The following SLC22A2 variants were observed in gnomAD, a reference collection of about 807,000 sequenced individuals.
SLC22A2 encodes solute carrier family 22 member 2.
Under a neutral mutation model 60.5 loss-of-function variants are expected in SLC22A2, and 46 were observed. The ratio of observed to expected loss-of-function variants is 0.76; its 90% confidence interval spans 0.60 to 0.97. The LOEUF is 0.97. Among genes scored for constraint, SLC22A2 ranks in the 50% least tolerant of loss-of-function variants. The pLI, the probability that SLC22A2 is intolerant of heterozygous loss-of-function variation, is 0.00. For missense variants in SLC22A2, 701 were observed against 706.6 expected, an observed-to-expected ratio of 0.99 and a Z score of 0.09; for synonymous variants, 303 against 267.0, an observed-to-expected ratio of 1.13 and a Z score of -1.31.
At position 160,250,560 on chromosome 6, in the gene SLC22A2, C is replaced by G; in HGVS notation, c.661G>C (p.Gly221Arg). 6.2e-7 allele frequency: 1 copy of G among 1,614,076 alleles called. No individual in the cohort carries two copies. Among genetic ancestry groups the G allele is most frequent in the African/African-American group, 1.3e-5 (1 of 75,028 alleles). The change falls in exon 3 of 11, where the codon GGC (glycine) becomes CGC (arginine). Residue 221 changes from glycine (G) to arginine (R), a missense_variant. Gly to Arg is a moderately radical substitution (Grantham distance 125, BLOSUM62 -2). Coordinates refer to ENST00000366953, the MANE Select transcript of SLC22A2 (RefSeq NM_003058.4). ...GLVSKAGWLI[G>R]YILITEFVGR... ...CAAACATTCTTACTCAGGATGTAGC[C>G]TATTAACCAGCCTGCTTTGCTGACC...
rs73782099 is a variant in SLC22A2 at position 160,255,511 on chromosome 6, G to A, written c.518+1103C>T. Among the ~76,000 whole-genome samples the A allele has an allele frequency of 5.1e-3, 779 of 152,184 alleles. 8 individuals are homozygous for A. The highest frequency in any genetic ancestry group is 0.018 in the African/African-American group (735 of 41,506). On this transcript the variant is annotated intron_variant, in intron 2 of 10. Coordinates refer to ENST00000366953, the MANE Select transcript of SLC22A2 (RefSeq NM_003058.4). ...TGGGGATGGCATGGGAGGGCAACAA[G>A]CATAAAATGCATTGACTTTACCATG...
intron 9 of SLC22A2, among the ~76,000 whole-genome samples, chr6:160,225,444 G>A (rs909568870): frequency 6.6e-6 from 1 of 152,060 alleles, no homozygotes; most frequent in Non-Finnish European, 1.5e-5. Context: ...TAGGATGTGG[G>A]TTCTTTACTA....
rs1783323162 is a variant in SLC22A2 at position 160,258,717 on chromosome 6, T to G, written c.41A>C (p.Glu14Ala). The change falls in exon 1 of 11, where the codon GAG (glutamate) becomes GCG (alanine). Residue 14 changes from glutamate to alanine, a missense_variant. Physicochemically the swap from Glu to Ala is moderately radical, Grantham distance 107. Coordinates refer to ENST00000366953, the MANE Select transcript of SLC22A2 (RefSeq NM_003058.4). ...TVDDVLEHGG[E>A]FHFFQKQMFF... ...CATTTGCTTCTGGAAAAAGTGAAAC[T>G]CCCCTCCATGCTCCAGGACATCGTC... 1.3e-6 allele frequency: 2 copies of G among 1,589,824 alleles called. No individual in the cohort carries two copies. The highest frequency in any genetic ancestry group is 3.4e-5 in the Admixed American group (2 of 58,514).
In SLC22A2 at chr6:160,258,586, C is replaced by G. The variant is rs138397321; in HGVS notation, c.172G>C (p.Glu58Gln). The change falls in exon 1 of 11, where the codon GAG becomes CAG. Residue 58 changes from glutamate to glutamine, a missense_variant. Coordinates refer to ENST00000366953, the MANE Select transcript of SLC22A2 (RefSeq NM_003058.4). ...DHRCRSPGVA[E>Q]LSLRCGWSPA... ...CTCCAGCCGCAGCGCAGACTCAGCT[C>G]GGCCACTCCGGGGCTCCGGCAGCGG... 2 of 1,613,844 alleles carry G rather than the reference C, an allele frequency of 1.2e-6. No individual in the cohort carries two copies. The highest frequency in any genetic ancestry group is 4.5e-5 in the East Asian group (2 of 44,882).
chr6:160,232,343 G>A (rs796168338), intron 9 of SLC22A2, among the ~76,000 whole-genome samples: 12 of 152,000 alleles, frequency 7.9e-5, no homozygotes, highest in African/African-American at 2.7e-4. Context: ...CACCAGCAAA[G>A]GCAGGCTATG....
At chr6:160,249,433 TG>T in intron 3 of SLC22A2, 49 bp from the exon 4 acceptor site, 1 of 1,480,388 alleles carries the variant, frequency 6.8e-7, no homozygotes, top group African/African-American at 1.4e-5. Context: ...AATAATGAGT[TG>T]GCTGTCCAGC....
intron 9 of SLC22A2, among the ~76,000 whole-genome samples, chr6:160,237,050 A>G (rs1011977062): frequency 6.6e-6 from 1 of 152,196 alleles, no homozygotes; most frequent in African/African-American, 2.4e-5. Context: ...GGAGAGAGAA[A>G]AATTATGTTT....
intron 8 of SLC22A2, 74 bp from the exon 9 acceptor site, chr6:160,241,660 A>T: frequency 1.1e-6 from 1 of 897,044 alleles, no homozygotes; most frequent in Non-Finnish European, 1.8e-6. Context: ...ACCCCTGAAT[A>T]AACACTTCCT....
intron 1 of SLC22A2, among the ~76,000 whole-genome samples, chr6:160,257,517 T>A (rs1391698870): frequency 6.6e-6 from 1 of 152,110 alleles, no homozygotes; most frequent in Non-Finnish European, 1.5e-5. Flanking sequence ...TGAGAGAGCC[T>A]CGGAGAGTTT....
chr6:160,251,414 T>G (rs1161644560), intron 2 of SLC22A2, among the ~76,000 whole-genome samples: 1 of 152,180 alleles, frequency 6.6e-6, no homozygotes, highest in Non-Finnish European at 1.5e-5. Context: ...TCAACCATAT[T>G]CAGTGTCTTC....
intron 9 of SLC22A2, among the ~76,000 whole-genome samples, chr6:160,232,178 C>T (rs978492546): frequency 5.3e-5 from 8 of 151,862 alleles, no homozygotes; most frequent in Non-Finnish European, 7.4e-5. Context: ...ATCTGGCCTC[C>T]CACATTATTC....
intron 9 of SLC22A2, among the ~76,000 whole-genome samples, chr6:160,234,946 C>T (rs754047929): frequency 2.0e-5 from 3 of 152,208 alleles, no homozygotes; most frequent in Non-Finnish European, 4.4e-5. Context: ...CCATCTTGAA[C>T]TTTCCTTTCT....
At chr6:160,246,023 ATG>A (rs1218363646) in intron 5 of SLC22A2, among the ~76,000 whole-genome samples, 2 of 149,490 alleles carry the variant, frequency 1.3e-5, no homozygotes, top group Non-Finnish European at 3.0e-5. Flanking sequence ...ATCCGCCACC[ATG>A]CCCAGCTAAT....
chr6:160,252,089 A>G (rs182619002), intron 2 of SLC22A2, among the ~76,000 whole-genome samples: 136 of 152,248 alleles, frequency 8.9e-4, no homozygotes, highest in Admixed American at 1.2e-3. Flanking sequence ...GTAACGATGT[A>G]ATTTCTTAAT....
rs373901133 is a variant in SLC22A2 at position 160,249,347 on chromosome 6, C to A, written c.711G>T (p.Val237=). 17 of 1,613,688 alleles carry A rather than the reference C, an allele frequency of 1.1e-5. No homozygotes were observed. Among genetic ancestry groups the A allele is most frequent in the Non-Finnish European group, 1.4e-5 (17 of 1,179,846 alleles). ...EFVGRRYRRT[V]GIFYQVAYTV... is the part of the protein sequence containing the mutation. ...TATAGGCAACTTGGTAAAAAATCCCCACTGTTCTCCGATATCTCCGCCCAA... is the reference window on the plus strand; with the variant it reads ...TATAGGCAACTTGGTAAAAAATCCCAACTGTTCTCCGATATCTCCGCCCAA... Residue 237 remains valine, a synonymous_variant, in exon 4 of 11, where the codon GTG becomes GTT. Coordinates refer to ENST00000366953, the MANE Select transcript of SLC22A2 (RefSeq NM_003058.4).
intron 10 of SLC22A2, among the ~76,000 whole-genome samples, chr6:160,219,676 A>C: frequency 6.6e-6 from 1 of 151,666 alleles, no homozygotes; most frequent in South Asian, 2.1e-4. Context: ...CAAGGATTCA[A>C]TGAGGTAATA....
chr6:160,223,646 A>T lies in SLC22A2; in HGVS notation c.1601+1059T>A, dbSNP rs543301648. ...ATTGCCTTAATGACTAGTCCTGTAC[A>T]TATATCACTTTGTACACGTAAACTT... On this transcript the variant is annotated intron_variant, in intron 10 of 10. Transcript: ENST00000366953. Among the ~76,000 whole-genome samples, 25 of 152,366 alleles carry T rather than the reference A, an allele frequency of 1.6e-4. 1 individual carries two copies. The South Asian group carries it at 5.2e-3, about 32-fold the overall frequency.
chr6:160,243,768 G>C lies in SLC22A2; in HGVS notation c.1083C>G (p.Leu361=). The change falls in exon 7 of 11, where the codon CTC becomes CTG. Residue 361 remains leucine, a synonymous_variant. Transcript: ENST00000366953. ...LMYNWFTSSV[L]YQGLIMHMGL... ...CCATGTGCATGATGAGGCCCTGGTAGAGCACAGAGCTCGTGAACCTGAGCA... is the reference window on the plus strand; with the variant it reads ...CCATGTGCATGATGAGGCCCTGGTACAGCACAGAGCTCGTGAACCTGAGCA... 1.2e-6 allele frequency: 2 copies of C among 1,613,532 alleles called. No individual in the cohort carries two copies. The highest frequency in any genetic ancestry group is 1.7e-6 in the Non-Finnish European group (2 of 1,179,724).
At chr6:160,249,443 G>C in intron 3 of SLC22A2, 59 bp from the exon 4 acceptor site, 1 of 1,391,406 alleles carries the variant, frequency 7.2e-7, no homozygotes, top group Non-Finnish European at 1.0e-6. Flanking sequence ...TGGCTGTCCA[G>C]CTATCAGGAA....
Sources: allele counts gnomAD v4.1 joint callset (sites outside exome capture counted in the v4.1 genomes callset), GRCh38; gene constraint gnomAD v4.1.1; transcripts MANE v1.5; gene names NCBI Gene and HGNC (gene_info 2026-07-23, HGNC 2026-07-21).